Variants in PM20D2 observed in about 807,000 individuals in gnomAD.
The protein encoded by PM20D2 is peptidase M20 domain containing 2.
In PM20D2, 33 loss-of-function variants were observed where a neutral mutation model predicts 42.9. That is an observed-to-expected ratio of 0.77 (90% CI 0.58 to 1.03). The LOEUF is 1.03. Among genes scored for constraint, PM20D2 ranks in the 50% least tolerant of loss-of-function variants. The pLI is 0.00. For missense variants in PM20D2, 548 were observed against 557.0 expected, an observed-to-expected ratio of 0.98 and a Z score of 0.16; for synonymous variants, 250 against 228.2, an observed-to-expected ratio of 1.10 and a Z score of -0.86.
At chr6:89,107,165 A>G in the PM20D2 span, 1 of 1,614,154 alleles carries the variant, frequency 6.2e-7, no homozygotes. Flanking sequence ...GAACATAAGC[A>G]AATCCTCTTG....
At chr6:89,155,029 G>C in intron 4 of PM20D2, 127 bp downstream of exon 4, 1 of 824,756 alleles carries the variant, frequency 1.2e-6, no homozygotes, top group East Asian at 3.1e-5. Flanking sequence ...TGAATTGGCT[G>C]AATAGTTAAT....
chr6:89,145,704 T>G (rs9451165), upstream of PM20D2, among the ~76,000 whole-genome samples: 55,067 of 152,114 alleles, frequency 0.36, 10,951 homozygotes, highest in African/African-American at 0.54. Context: ...TTGTGAGGTT[T>G]TAATTACTAA....
Position 89,164,936 on chromosome 6 carries a change from A to AAG in PM20D2, c.*2674_*2675insGA, listed in dbSNP as rs960790379. ...TTCTGTGCCTGTAAAAAAAAAAAAA[A>AAG]AAAAAAGAAAAGAAAAGACACTGTT... On this transcript the variant is annotated 3_prime_UTR_variant, in exon 7 of 7. Coordinates refer to ENST00000275072, the MANE Select transcript of PM20D2 (RefSeq NM_001010853.3). 2.5e-3 allele frequency: 367 copies of AAG among 148,630 alleles called. No homozygotes were observed. The highest frequency in any genetic ancestry group is 8.4e-3 in the African/African-American group (341 of 40,544). The allele number at this position is 148,630 out of a possible 1,614,324, so 9.2% of individuals were successfully genotyped here. A position where few individuals can be genotyped will look rare whatever the true frequency, so the allele number is the denominator to read the frequency against.
At chr6:89,155,708 T>C (rs1223449514) in intron 4 of PM20D2, among the ~76,000 whole-genome samples, 1 of 151,926 alleles carries the variant, frequency 6.6e-6, no homozygotes, top group Non-Finnish European at 1.5e-5. Context: ...GATTTGTTTC[T>C]GTTTGTTTGT....
At chr6:89,116,992 G>A in the PM20D2 span, among the ~76,000 whole-genome samples, 1 of 151,930 alleles carries the variant, frequency 6.6e-6, no homozygotes, top group Non-Finnish European at 1.5e-5. Flanking sequence ...GGAAGTAAAT[G>A]AAGCCCAGTG....
the PM20D2 span, chr6:89,096,950 C>A: frequency 6.6e-6 from 1 of 152,048 alleles, no homozygotes; most frequent in African/African-American, 2.4e-5. Flanking sequence ...TTTATTATAG[C>A]GGAATAATTC....
At chr6:89,149,125 C>A in intron 1 of PM20D2, 140 bp from the exon 2 acceptor site, 1 of 1,021,966 alleles carries the variant, frequency 9.8e-7, no homozygotes, top group Non-Finnish European at 1.4e-6. Context: ...ATGCCCATTG[C>A]GTAAGCGTCA....
rs1771347458 is a variant in PM20D2, at chr6:89,164,553, G to A, written c.*2290G>A. On this transcript the variant is annotated 3_prime_UTR_variant, in exon 7 of 7. Coordinates refer to ENST00000275072, the MANE Select transcript of PM20D2 (RefSeq NM_001010853.3). ...TGGCAGGAGCGTGGACTTAAAACAA[G>A]GCTTGCTTATTTGGTTTTGTCAAAG... 6.6e-6 allele frequency: 1 copy of A among 152,268 alleles called. No individual in the cohort carries two copies. The highest frequency in any genetic ancestry group is 1.5e-5 in the Non-Finnish European group (1 of 67,948). The allele number at this position is 152,268 out of a possible 1,614,324, so 9.4% of individuals were successfully genotyped here. A position where few individuals can be genotyped will look rare whatever the true frequency, so the allele number is the denominator to read the frequency against.
chr6:89,161,876 A>T lies in PM20D2; in HGVS notation c.1142A>T (p.Tyr381Phe). Residue 381 changes from tyrosine to phenylalanine, a missense_variant, in exon 6 of 7, where the codon TAC (tyrosine) becomes TTC (phenylalanine). Coordinates refer to ENST00000275072, the MANE Select transcript of PM20D2 (RefSeq NM_001010853.3). ...GSNALNHTEQ[Y>F]TEAAGSQEAQ... ...AATGCCTTGAATCATACTGAACAGT[A>T]CACTGAAGCTGCTGGTAAGTGTTGT... The T allele has an allele frequency of 6.2e-7, 1 of 1,610,012 alleles. No individual in the cohort carries two copies. The highest frequency in any genetic ancestry group is 8.5e-7 in the Non-Finnish European group (1 of 1,176,260).
At chr6:89,111,949 G>T in the PM20D2 span, among the ~76,000 whole-genome samples, 19 of 152,166 alleles carry the variant, frequency 1.2e-4, no homozygotes, top group African/African-American at 4.6e-4. Flanking sequence ...CAAAAGCAAA[G>T]ATATTATTTT....
Position 89,162,392 on chromosome 6 carries a change from G to C in PM20D2, c.*129G>C. ...TCTTTTTACCTGATAAGTGAGGACA[G>C]GGTGTGGAGAAAACATATTAATTAC... On this transcript the variant is annotated 3_prime_UTR_variant, in exon 7 of 7. Coordinates refer to ENST00000275072, the MANE Select transcript of PM20D2 (RefSeq NM_001010853.3). 2.0e-6 allele frequency: 2 copies of C among 984,868 alleles called. No homozygotes were observed. Among genetic ancestry groups the C allele is most frequent in the Non-Finnish European group, 2.9e-6 (2 of 692,764 alleles). 61.0% of individuals were successfully genotyped at this position (984,868 alleles called of 1,614,324 possible).
At chr6:89,138,375 G>C in the PM20D2 span, among the ~76,000 whole-genome samples, 1 of 152,114 alleles carries the variant, frequency 6.6e-6, no homozygotes, top group Admixed American at 6.6e-5. Context: ...GACAAGAAAA[G>C]AAATGAGAGC....
the PM20D2 span, among the ~76,000 whole-genome samples, chr6:89,123,849 A>G: frequency 1.2e-4 from 18 of 151,696 alleles, no homozygotes; most frequent in African/African-American, 4.1e-4. Flanking sequence ...TAGTCTGGGC[A>G]ACATATGATA....
chr6:89,100,182 AT>A, the PM20D2 span, among the ~76,000 whole-genome samples: 2 of 152,218 alleles, frequency 1.3e-5, no homozygotes, highest in Non-Finnish European at 2.9e-5. Context: ...TATGGAAGAG[AT>A]TCCAAGGGAC....
the PM20D2 span, among the ~76,000 whole-genome samples, chr6:89,099,446 ATATATGTGTG>A: frequency 1.1e-5 from 1 of 92,094 alleles, no homozygotes; most frequent in African/African-American, 3.5e-5. Context: ...ATATACACAT[ATATATGTGTG>A]TATATATGTG....
At chr6:89,161,642 C>T in intron 5 of PM20D2, 141 bp from the exon 6 acceptor site, 1 of 659,826 alleles carries the variant, frequency 1.5e-6, no homozygotes, top group Non-Finnish European at 2.7e-6. Flanking sequence ...AAGGTGAGCC[C>T]ATGAAAGCAT....
the PM20D2 span, among the ~76,000 whole-genome samples, chr6:89,136,551 G>A: frequency 1.3e-5 from 2 of 150,534 alleles, no homozygotes; most frequent in African/African-American, 2.5e-5. Context: ...GGTGGTGGGC[G>A]CCTGTAGTCC....
the PM20D2 span, among the ~76,000 whole-genome samples, chr6:89,094,078 G>A: frequency 6.6e-6 from 1 of 151,584 alleles, no homozygotes; most frequent in South Asian, 2.1e-4. Flanking sequence ...CCACCACCAT[G>A]CCTGGCTAAT....
chr6:89,099,103 C>T, the PM20D2 span, among the ~76,000 whole-genome samples: 11 of 151,666 alleles, frequency 7.3e-5, no homozygotes, highest in Non-Finnish European at 1.5e-4. Flanking sequence ...GCTTTTGGTT[C>T]AAACATAAGT....
Sources: allele counts gnomAD v4.1 joint callset (sites outside exome capture counted in the v4.1 genomes callset), GRCh38; gene constraint gnomAD v4.1.1; transcripts MANE v1.5; gene names NCBI Gene and HGNC (gene_info 2026-07-23, HGNC 2026-07-21).